SCAPER: variants seen among roughly 807,000 people sequenced by gnomAD.
SCAPER encodes the protein S phase cyclin A-associated protein in the endoplasmic reticulum.
SCAPER carries 98 observed loss-of-function variants against 182.2 expected under a neutral mutation model. The observed-to-expected ratio is 0.54, with a 90% CI of 0.46 to 0.64. The LOEUF (loss-of-function observed/expected upper bound fraction) is 0.64. SCAPER is among the 30% of genes least tolerant of loss of function. The probability of loss-of-function intolerance (pLI) is 0.00; values close to 1 mark genes in which losing one functional copy is unlikely to be tolerated. For missense variants in SCAPER, 1,432 were observed against 1,690.0 expected, an observed-to-expected ratio of 0.85 and a Z score of 2.68; for synonymous variants, 605 against 564.6, an observed-to-expected ratio of 1.07 and a Z score of -1.01.
intron 25 of SCAPER, among the ~76,000 whole-genome samples, chr15:76,437,881 A>G (rs931788130): frequency 3.3e-4 from 51 of 152,306 alleles, no homozygotes; most frequent in Middle Eastern, 3.4e-3. Context: ...GAGCAGACTG[A>G]TGCTTTGCTC....
At chr15:76,832,341 G>A (rs564634775) in intron 5 of SCAPER, among the ~76,000 whole-genome samples, 2 of 152,292 alleles carry the variant, frequency 1.3e-5, no homozygotes, top group East Asian at 3.9e-4. Context: ...AATACAATTG[G>A]AAGAATTAAT....
chr15:76,524,143 G>C (rs1201716692), intron 23 of SCAPER, among the ~76,000 whole-genome samples: 1 of 152,050 alleles, frequency 6.6e-6, no homozygotes, highest in Non-Finnish European at 1.5e-5. Context: ...ACATGCAGCA[G>C]TAAAATACTG....
chr15:76,406,337 G>A (rs2044828041), intron 26 of SCAPER, among the ~76,000 whole-genome samples: 2 of 151,936 alleles, frequency 1.3e-5, no homozygotes, highest in Admixed American at 6.6e-5. Context: ...AATTAGCCAG[G>A]CATGGTGGCT....
rs565046467 is a variant in SCAPER, at chr15:76,614,376, T to C, written c.2711+7388A>G. On this transcript the variant is annotated intron_variant, in intron 22 of 31. Transcript: ENST00000563290. ...TACTACCTATGTAACAAATCTGCAC[T>C]TGTAACCCTGAACTTAAAAGTTAAA... 3.1e-4 allele frequency among the ~76,000 whole-genome samples: 47 copies of C among 152,236 alleles called. 1 individual carries two copies. In the South Asian group the frequency reaches 6.2e-3, roughly 20 times the overall value.
intron 7 of SCAPER, among the ~76,000 whole-genome samples, chr15:76,799,111 T>TAAACA (rs2065558429): frequency 1.3e-5 from 2 of 152,170 alleles, no homozygotes; most frequent in African/African-American, 4.8e-5. Context: ...AATAATGTAA[T>TAAACA]TTGTATGACA....
At chr15:76,591,804 A>G (rs964770763) in intron 22 of SCAPER, among the ~76,000 whole-genome samples, 3 of 152,234 alleles carry the variant, frequency 2.0e-5, no homozygotes, top group Non-Finnish European at 4.4e-5. Flanking sequence ...ACATGCCCAT[A>G]ATCCCAGTAC....
intron 22 of SCAPER, among the ~76,000 whole-genome samples, chr15:76,617,607 C>T (rs2146034357): frequency 6.6e-6 from 1 of 152,294 alleles, no homozygotes; most frequent in Non-Finnish European, 1.5e-5. Context: ...CTGAGCCTGT[C>T]CCTTCATGTG....
rs1464723916 is a variant in SCAPER, at chr15:76,848,313, T to G, written c.196-6382A>C. On this transcript the variant is annotated intron_variant, in intron 4 of 31. Coordinates refer to ENST00000563290, the MANE Select transcript of SCAPER (RefSeq NM_020843.4). ...CCGCGCCTGGCCTAAAACATTGTGT[T>G]TTTTTTGGGGTTTTTTTTTTTTTTT... 8.7e-5 allele frequency among the ~76,000 whole-genome samples: 12 copies of G among 137,254 alleles called. No homozygotes were observed. The East Asian group carries it at 1.6e-3, about 18-fold the overall frequency. 90.0% of individuals were successfully genotyped at this position (137,254 alleles called of 152,430 possible). A position where few individuals can be genotyped will look rare whatever the true frequency, so the allele number is the denominator to read the frequency against.
At chr15:76,437,917 A>G (rs1382903805) in intron 25 of SCAPER, among the ~76,000 whole-genome samples, 1 of 152,190 alleles carries the variant, frequency 6.6e-6, no homozygotes, top group Non-Finnish European at 1.5e-5. Context: ...TCCAGACCCT[A>G]AAGATTCTAA....
intron 28 of SCAPER, chr15:76,380,995 G>T (rs1407543388): frequency 6.5e-6 from 1 of 153,098 alleles, no homozygotes; most frequent in Non-Finnish European, 1.5e-5. Flanking sequence ...CTGATATAAA[G>T]AATTCCAGAC....
rs187560660 is a variant in SCAPER, at chr15:76,874,685, C to T, written c.6+9127G>A. Among the ~76,000 whole-genome samples, 470 of 152,120 alleles carry T rather than the reference C, an allele frequency of 3.1e-3. 4 individuals are homozygous for T. Among genetic ancestry groups the T allele is most frequent in the African/African-American group, 0.011 (452 of 41,490 alleles). ...AATAAAATTGTATCCGGTCAGTCAC[C>T]GTGGCTCACACCTGTAATCCCAGCA... On this transcript the variant is annotated intron_variant, in intron 2 of 31. Coordinates refer to ENST00000563290, the MANE Select transcript of SCAPER (RefSeq NM_020843.4).
At chr15:76,470,818 C>CT (rs1201007863) in intron 25 of SCAPER, among the ~76,000 whole-genome samples, 1 of 152,108 alleles carries the variant, frequency 6.6e-6, no homozygotes, top group East Asian at 1.9e-4. Context: ...TAAACTGACC[C>CT]TTTTAACTTA....
intron 22 of SCAPER, among the ~76,000 whole-genome samples, chr15:76,583,422 G>T (rs904097792): frequency 1.3e-5 from 2 of 151,478 alleles, no homozygotes; most frequent in African/African-American, 4.9e-5. Flanking sequence ...GGACAAATGG[G>T]ATCACATCAA....
chr15:76,687,653 G>A (rs759074583), intron 20 of SCAPER, among the ~76,000 whole-genome samples: 1 of 151,960 alleles, frequency 6.6e-6, no homozygotes, highest in South Asian at 2.1e-4. Flanking sequence ...AGGTGTTCTC[G>A]TTGTTCAGCT....
At chr15:76,405,958 T>C (rs2044797682) in intron 26 of SCAPER, among the ~76,000 whole-genome samples, 1 of 152,156 alleles carries the variant, frequency 6.6e-6, no homozygotes, top group African/African-American at 2.4e-5. Context: ...AAATAGTGCC[T>C]CCTTTCATCT....
intron 29 of SCAPER, among the ~76,000 whole-genome samples, chr15:76,357,365 CA>C (rs1309548965): frequency 1.3e-5 from 2 of 152,120 alleles, no homozygotes; most frequent in Admixed American, 1.3e-4. Context: ...AAATGCTCAA[CA>C]TCACTAATCA....
intron 27 of SCAPER, among the ~76,000 whole-genome samples, chr15:76,382,348 TTTTTATTTTTTTC>T: frequency 6.9e-6 from 1 of 145,830 alleles, no homozygotes; most frequent in South Asian, 2.3e-4. Flanking sequence ...ACTAAGGTAT[TTTTTATTTTTTTC>T]TTTTATTTTT....
chr15:76,727,611 A>G lies in SCAPER; in HGVS notation c.2165+984T>C, dbSNP rs141129112. On this transcript the variant is annotated intron_variant, in intron 17 of 31. Transcript: ENST00000563290. ...ATTGCAGATAGATAAAGACTATAAA[A>G]GATAAAACTATAAAATTTTGAAGAA... Among the ~76,000 whole-genome samples the G allele has an allele frequency of 2.6e-3, 394 of 152,268 alleles. 2 individuals are homozygous for G. Among genetic ancestry groups the G allele is most frequent in the African/African-American group, 9.1e-3 (378 of 41,574 alleles).
At chr15:76,797,762 C>T (rs1466899167) in intron 7 of SCAPER, among the ~76,000 whole-genome samples, 2 of 152,102 alleles carry the variant, frequency 1.3e-5, no homozygotes, top group African/African-American at 4.8e-5. Context: ...AACATACACT[C>T]ATGTTGTGTG....
Sources: gnomAD v4.1 joint callset for allele counts (sites outside exome capture counted in the v4.1 genomes callset) on GRCh38, gnomAD v4.1.1 for gene constraint, MANE v1.5 for transcripts, NCBI Gene and HGNC (gene_info 2026-07-23, HGNC 2026-07-21) for gene names.